The following OGDH variants were observed in gnomAD, a reference collection of about 807,000 sequenced individuals.
OGDH encodes oxoglutarate dehydrogenase, also known as 2-oxoglutarate dehydrogenase complex component E1.
A neutral mutation model predicts 116.6 loss-of-function variants in OGDH; 38 were observed. That is an observed-to-expected ratio of 0.33 (90% CI 0.25 to 0.43). The LOEUF is 0.43. OGDH is among the 20% of genes least tolerant of loss of function. The probability of loss-of-function intolerance (pLI) is 1.00; values close to 1 mark genes in which losing one functional copy is unlikely to be tolerated. For missense variants in OGDH, 825 were observed against 1,357.2 expected, an observed-to-expected ratio of 0.61 and a Z score of 6.16; for synonymous variants, 488 against 533.3, an observed-to-expected ratio of 0.92 and a Z score of 1.17.
intron 3 of OGDH, among the ~76,000 whole-genome samples, chr7:44,646,588 C>G (rs114173595): frequency 6.6e-6 from 1 of 152,232 alleles, no homozygotes; most frequent in African/African-American, 2.4e-5. Flanking sequence ...ACTGCCTGCA[C>G]GCAGTTGGCC....
At chr7:44,655,382 C>T (rs1231188414) in intron 4 of OGDH, among the ~76,000 whole-genome samples, 2 of 152,222 alleles carry the variant, frequency 1.3e-5, no homozygotes, top group East Asian at 1.9e-4. Context: ...GGGAAGGAGA[C>T]AGTGTGGCTT....
At chr7:44,629,759 T>A (rs1347801598) in intron 2 of OGDH, among the ~76,000 whole-genome samples, 2 of 152,008 alleles carry the variant, frequency 1.3e-5, no homozygotes, top group African/African-American at 4.8e-5. Context: ...TTTGTATTTT[T>A]AATAAAGACG....
chr7:44,651,672 C>CT (rs1786449386), intron 4 of OGDH, among the ~76,000 whole-genome samples: 1 of 152,016 alleles, frequency 6.6e-6, no homozygotes, highest in African/African-American at 2.4e-5. Flanking sequence ...AGTGATTCTC[C>CT]TGCCTCAACC....
chr7:44,688,469 C>T lies in OGDH; in HGVS notation c.1336-5356C>T, dbSNP rs184747153. On this transcript the variant is annotated intron_variant, in intron 10 of 22. Coordinates refer to ENST00000222673, the MANE Select transcript of OGDH (RefSeq NM_002541.4). Reference sequence around the variant, plus strand: ...TTTTTGAGACGGAGTCTCGCTCTGTCGCCCAAGCTGGAGTGCAGTGGTGTG... The same window carrying T: ...TTTTTGAGACGGAGTCTCGCTCTGTTGCCCAAGCTGGAGTGCAGTGGTGTG... Among the ~76,000 whole-genome samples the T allele has an allele frequency of 3.8e-3, 485 of 128,598 alleles. 3 individuals are homozygous for T. The highest frequency in any genetic ancestry group is 0.015 in the Middle Eastern group (2 of 136). 84.4% of individuals were successfully genotyped at this position (128,598 alleles called of 152,430 possible).
In OGDH at chr7:44,652,194, C is replaced by T. The variant is rs530821611; in HGVS notation, c.517+4435C>T. 2.4e-4 allele frequency among the ~76,000 whole-genome samples: 37 copies of T among 151,794 alleles called. No homozygotes were observed. In the South Asian group the frequency reaches 2.9e-3, roughly 12 times the overall value. The stretch of plus-strand genomic sequence containing the variant: ...CACGACCTCATTTCACTGCAATCTC[C>T]GCCTCCCGGGTTCAAGCAATTCTCC... On this transcript the variant is annotated intron_variant, in intron 4 of 22. Coordinates refer to ENST00000222673, the MANE Select transcript of OGDH (RefSeq NM_002541.4).
At chr7:44,698,163 T>C in intron 17 of OGDH, 29 bp from the exon 18 acceptor site, 1 of 1,613,850 alleles carries the variant, frequency 6.2e-7, no homozygotes, top group Non-Finnish European at 8.5e-7. Flanking sequence ...CAAGAGCTCT[T>C]AAACTGTAAC....
Position 44,707,310 on chromosome 7 carries a change from C to T in OGDH, c.2718C>T (p.Gly906=), listed in dbSNP as rs778559153. Reference sequence around the variant, plus strand: ...TCAAAAGGCTTCTCTTCTGCACCGGCAAAGTGTATTATGACCTCACCCGGG... The same window carrying T: ...TCAAAAGGCTTCTCTTCTGCACCGGTAAAGTGTATTATGACCTCACCCGGG... ...ENVKRLLFCT[G]KVYYDLTRER... The change falls in exon 21 of 23, where the codon GGC becomes GGT. Residue 906 remains glycine (G), a synonymous_variant. Coordinates refer to ENST00000222673, the MANE Select transcript of OGDH (RefSeq NM_002541.4). This position sits in a 1 kb window ranked among gnomAD's most constrained non-coding sequence, Gnocchi z 5.2. The T allele has an allele frequency of 6.2e-7, 1 of 1,614,272 alleles. No individual in the cohort carries two copies. The highest frequency in any genetic ancestry group is 1.3e-5 in the African/African-American group (1 of 75,082).
chr7:44,664,856 T>C (rs1787111162), intron 4 of OGDH, among the ~76,000 whole-genome samples: 1 of 152,170 alleles, frequency 6.6e-6, no homozygotes, highest in Admixed American at 6.6e-5. Context: ...CCAAGAACTA[T>C]GAACTCAGGA....
intron 7 of OGDH, chr7:44,674,859 G>A (rs1787620159): frequency 3.8e-6 from 2 of 533,272 alleles, no homozygotes; most frequent in African/African-American, 3.8e-5. Context: ...AACCTGGAGG[G>A]AAGGCTGCTT....
chr7:44,666,390 G>A (rs1787186976), intron 4 of OGDH, among the ~76,000 whole-genome samples: 1 of 151,966 alleles, frequency 6.6e-6, no homozygotes, highest in Admixed American at 6.6e-5. Flanking sequence ...GCCTTTTCAT[G>A]GACCTCTCTT....
intron 1 of OGDH, among the ~76,000 whole-genome samples, chr7:44,619,677 T>G (rs951865493): frequency 6.6e-6 from 1 of 152,216 alleles, no homozygotes; most frequent in African/African-American, 2.4e-5. Flanking sequence ...TTGTTTCTAC[T>G]GTTTCAACTG....
chr7:44,708,235 G>A lies in OGDH; in HGVS notation c.*236G>A, dbSNP rs992766987. On this transcript the variant is annotated 3_prime_UTR_variant, in exon 23 of 23. Coordinates refer to ENST00000222673, the MANE Select transcript of OGDH (RefSeq NM_002541.4). ...CTTCTGAGCAGTTTTCCAGGAGGCC[G>A]GGGGGAGCAGGAGGAGGAAAGGTAG... 10 of 489,100 alleles carry A rather than the reference G, an allele frequency of 2.0e-5. No homozygotes were observed. The highest frequency in any genetic ancestry group is 7.9e-5 in the African/African-American group (4 of 50,782). 30.3% of individuals were successfully genotyped at this position (489,100 alleles called of 1,614,324 possible). A position where few individuals can be genotyped will look rare whatever the true frequency, so the allele number is the denominator to read the frequency against.
At chr7:44,645,979 G>C (rs150775083) in intron 3 of OGDH, among the ~76,000 whole-genome samples, 1 of 152,278 alleles carries the variant, frequency 6.6e-6, no homozygotes, top group African/African-American at 2.4e-5. Flanking sequence ...GGGAGAGGCA[G>C]CTGAGGGTAC....
In OGDH at chr7:44,707,482, G is replaced by A. The variant is rs1341577922; in HGVS notation, c.2796+94G>A. The A allele has an allele frequency of 3.1e-6, 5 of 1,594,464 alleles. No homozygotes were observed. In the East Asian group the frequency reaches 1.1e-4, roughly 36 times the overall value. On this transcript the variant is annotated intron_variant, in intron 21 of 22. Coordinates refer to ENST00000222673, the MANE Select transcript of OGDH (RefSeq NM_002541.4). This position sits in a 1 kb window ranked among gnomAD's most constrained non-coding sequence, Gnocchi z 5.2. The stretch of plus-strand genomic sequence containing the variant: ...AGCCTTGCTTGGGGTGTGGCCCTCA[G>A]GTTCCTGACCTTCCCTGCTCGGAAC...
intron 10 of OGDH, among the ~76,000 whole-genome samples, chr7:44,686,689 C>CTTT (rs35917984): frequency 7.5e-6 from 1 of 133,240 alleles, no homozygotes; most frequent in Non-Finnish European, 1.6e-5. Context: ...TTCTTTTTTT[C>CTTT]TTTTTTTTTT....
rs1413927199 is a variant in OGDH at position 44,704,660 on chromosome 7, CTGT to C, written c.2633-2560_2633-2558del. 2.6e-5 allele frequency among the ~76,000 whole-genome samples: 4 copies of C among 151,912 alleles called. No homozygotes were observed. In the East Asian group the frequency reaches 5.8e-4, roughly 22 times the overall value. On this transcript the variant is annotated intron_variant, in intron 20 of 22. Transcript: ENST00000222673. ...CCGTTCTATGGGTTGTTCTTTTATT[CTGT>C]TGTTAGTATCTTTGGTTTTGGTTTT...
chr7:44,699,351 G>T (rs1788723845), intron 18 of OGDH, among the ~76,000 whole-genome samples: 1 of 150,766 alleles, frequency 6.6e-6, no homozygotes, highest in African/African-American at 2.5e-5. Context: ...CTTGAACCCG[G>T]GAGGTGGAGG....
Position 44,624,523 on chromosome 7 carries a change from G to A in OGDH, c.180G>A (p.Glu60=). Residue 60 remains glutamate (E), a synonymous_variant, in exon 2 of 23, where the codon GAG becomes GAA. Coordinates refer to ENST00000222673, the MANE Select transcript of OGDH (RefSeq NM_002541.4). ...LSGTSSNYVE[E]MYCAWLENPK... is the part of the protein sequence containing the mutation. ...GGACTAGTTCGAACTATGTGGAGGA[G>A]ATGTACTGTGCTTGGCTGGAAAACC... The A allele has an allele frequency of 6.2e-7, 1 of 1,613,902 alleles. No individual in the cohort carries two copies. Among genetic ancestry groups the A allele is most frequent in the Non-Finnish European group, 8.5e-7 (1 of 1,180,000 alleles).
chr7:44,681,648 A>G (rs943095825), intron 9 of OGDH, 72 bp from the exon 10 acceptor site: 49 of 1,539,300 alleles, frequency 3.2e-5, no homozygotes, highest in Non-Finnish European at 4.3e-5. Flanking sequence ...CAAATGATGC[A>G]TTTCCTCTGT....
Sources: gnomAD v4.1 joint callset for allele counts (sites outside exome capture counted in the v4.1 genomes callset) on GRCh38, gnomAD v4.1.1 for gene constraint, Gnocchi (gnomAD v3.1) non-coding constraint, MANE v1.5 for transcripts, NCBI Gene and HGNC (gene_info 2026-07-23, HGNC 2026-07-21) for gene names.